The following CBLC variants were observed in gnomAD, a reference collection of about 807,000 sequenced individuals.
CBLC encodes E3 ubiquitin-protein ligase CBL-C.
A neutral mutation model predicts 58.6 loss-of-function variants in CBLC; 46 were observed. The ratio of observed to expected loss-of-function variants is 0.79; its 90% CI spans 0.62 to 1.00. The LOEUF (loss-of-function observed/expected upper bound fraction) is 1.00, where lower values mean the gene tolerates loss of function less well. Ranked by LOEUF, CBLC falls within the 50% of genes least tolerant of loss-of-function variation. The pLI is 0.00. For synonymous variants in CBLC, 271 were observed against 264.2 expected, an observed-to-expected ratio of 1.03 and a Z score of -0.25; for missense variants, 655 against 625.8, an observed-to-expected ratio of 1.05 and a Z score of -0.50.
intron 9 of CBLC, among the ~76,000 whole-genome samples, chr19:44,797,624 G>A (rs554796741): frequency 1.3e-4 from 19 of 146,620 alleles, no homozygotes; most frequent in East Asian, 1.2e-3. Flanking sequence ...GTGTGGTGGC[G>A]TGCACCTGTA....
At chr19:44,797,101 C>T (rs1416446331) in intron 9 of CBLC, among the ~76,000 whole-genome samples, 1 of 152,130 alleles carries the variant, frequency 6.6e-6, no homozygotes, top group Non-Finnish European at 1.5e-5. Context: ...GCCATACCCT[C>T]CGCCTCCCCC....
In CBLC at chr19:44,800,449, A is replaced by G; in HGVS notation, c.*6A>G. On this transcript the variant is annotated splice_region_variant and 3_prime_UTR_variant, in exon 10 of 11. Transcript: ENST00000647358. ...AGGACCCTGCCCCGGCCTGAAGGCCAGGTGAGTCCATTCCCTAACCCTCCC... is the reference window on the plus strand; with the variant it reads ...AGGACCCTGCCCCGGCCTGAAGGCCGGGTGAGTCCATTCCCTAACCCTCCC... 6.2e-7 allele frequency: 1 copy of G among 1,606,500 alleles called. No homozygotes were observed. Among genetic ancestry groups the G allele is most frequent in the Non-Finnish European group, 8.5e-7 (1 of 1,173,494 alleles).
chr19:44,793,695 T>G (rs1968113547), intron 8 of CBLC, 75 bp downstream of exon 8: 1 of 1,414,020 alleles, frequency 7.1e-7, no homozygotes, highest in African/African-American at 1.4e-5. Flanking sequence ...CCTGGACTCC[T>G]GGGTCTGAGG....
chr19:44,791,345 T>C (rs1408787721), intron 6 of CBLC, among the ~76,000 whole-genome samples: 3 of 150,386 alleles, frequency 2.0e-5, no homozygotes, highest in Non-Finnish European at 3.0e-5. Context: ...AATAATGAAA[T>C]TCAAATTTAG....
chr19:44,786,663 A>G (rs1309370667), intron 5 of CBLC, among the ~76,000 whole-genome samples: 1 of 152,206 alleles, frequency 6.6e-6, no homozygotes, highest in Non-Finnish European at 1.5e-5. Context: ...TGGTTCGCTA[A>G]CATTGAACTC....
At chr19:44,779,741 G>A (rs575983992) in intron 1 of CBLC, among the ~76,000 whole-genome samples, 191 of 151,868 alleles carry the variant, frequency 1.3e-3, no homozygotes, top group Non-Finnish European at 2.4e-3. Context: ...TTGGTAGAGA[G>A]GAGGTCTTGC....
chr19:44,789,757 G>A (rs1967998251), intron 5 of CBLC, among the ~76,000 whole-genome samples: 1 of 152,110 alleles, frequency 6.6e-6, no homozygotes, highest in African/African-American at 2.4e-5. Context: ...TGGAGCTTGA[G>A]TCACTGAGGT....
chr19:44,797,164 C>G (rs554940873), intron 9 of CBLC, among the ~76,000 whole-genome samples: 1 of 152,112 alleles, frequency 6.6e-6, no homozygotes, highest in Non-Finnish European at 1.5e-5. Flanking sequence ...AGTCCACTCC[C>G]ACCTAGTCTT....
At chr19:44,795,803 T>C (rs1222470980) in intron 9 of CBLC, among the ~76,000 whole-genome samples, 1 of 152,160 alleles carries the variant, frequency 6.6e-6, no homozygotes, top group East Asian at 1.9e-4. Flanking sequence ...GTCTTCTCCG[T>C]CATATCTCCA....
At chr19:44,791,170 G>A (rs1419826344) in intron 6 of CBLC, among the ~76,000 whole-genome samples, 2 of 151,792 alleles carry the variant, frequency 1.3e-5, no homozygotes, top group African/African-American at 4.8e-5. Context: ...GTTAGGCACA[G>A]TGGTTCATGC....
At position 44,778,125 on chromosome 19, in the gene CBLC, C is replaced by T; in HGVS notation, c.194C>T (p.Ala65Val). Reference sequence around the variant, plus strand: ...GAGGTGGCCCATTCTCGGCGGGCGGCCGGCGGAGGCGGCCCCGGGGGTCCC... The same window carrying T: ...GAGGTGGCCCATTCTCGGCGGGCGGTCGGCGGAGGCGGCCCCGGGGGTCCC... ...LREVAHSRRA[A>V]GGGGPGGPGG... is the part of the protein sequence containing the mutation. The change falls in exon 1 of 11, where the codon GCC becomes GTC. Residue 65 changes from alanine (A) to valine (V), a missense_variant. Transcript: ENST00000647358. 1.3e-6 allele frequency: 2 copies of T among 1,597,002 alleles called. No individual in the cohort carries two copies. The highest frequency in any genetic ancestry group is 1.7e-6 in the Non-Finnish European group (2 of 1,175,122).
chr19:44,778,287 G>C lies in CBLC; in HGVS notation c.353+3G>C. 3.5e-6 allele frequency: 5 copies of C among 1,431,514 alleles called. No individual in the cohort carries two copies. The highest frequency in any genetic ancestry group is 4.6e-6 in the Non-Finnish European group (5 of 1,095,914). 88.7% of individuals were successfully genotyped at this position (1,431,514 alleles called of 1,614,324 possible). A position where few individuals can be genotyped will look rare whatever the true frequency, so the allele number is the denominator to read the frequency against. On this transcript the variant is annotated splice_donor_region_variant and intron_variant, in intron 1 of 10. Coordinates refer to ENST00000647358, the MANE Select transcript of CBLC (RefSeq NM_012116.4). ...TTCCGGGCGGGCTCCAGACTCAGGT[G>C]AGCCTTCGCCCCAGAACAAAGTCCT...
intron 9 of CBLC, among the ~76,000 whole-genome samples, chr19:44,796,366 T>C (rs1968178306): frequency 1.3e-5 from 2 of 152,046 alleles, no homozygotes; most frequent in African/African-American, 4.8e-5. Context: ...TCTACTTATT[T>C]TTTTGTTGTT....
rs1361108057 is a variant in CBLC at position 44,794,230 on chromosome 19, C to A, written c.1311C>A (p.Pro437=). ...TGCCCCTTTCGGCTCCTCCATTGCC[C>A]CCACGGCCAGATCTGCCCCCCAGGA... ...GQVPLSAPPL[P]PRPDLPPRKP... is the part of the protein sequence containing the mutation. The change falls in exon 9 of 11, where the codon CCC becomes CCA. Residue 437 remains proline (P), a synonymous_variant. Coordinates refer to ENST00000647358, the MANE Select transcript of CBLC (RefSeq NM_012116.4). The A allele has an allele frequency of 1.9e-6, 3 of 1,613,192 alleles. No homozygotes were observed. Among genetic ancestry groups the A allele is most frequent in the Non-Finnish European group, 2.5e-6 (3 of 1,179,606 alleles).
At chr19:44,782,195 G>A (rs944085440) in intron 3 of CBLC, among the ~76,000 whole-genome samples, 175 bp from the exon 4 acceptor site, 1 of 152,072 alleles carries the variant, frequency 6.6e-6, no homozygotes, top group South Asian at 2.1e-4. Flanking sequence ...AGGAAGCTAG[G>A]GTCCCAAACT....
chr19:44,779,792 A>G (rs758709563), intron 1 of CBLC, among the ~76,000 whole-genome samples: 1 of 152,050 alleles, frequency 6.6e-6, no homozygotes, highest in Non-Finnish European at 1.5e-5. Context: ...GCCTCATGCG[A>G]TCTTCGTACC....
chr19:44,781,104 G>A lies in CBLC; in HGVS notation c.500+53G>A, dbSNP rs548291852. On this transcript the variant is annotated intron_variant, in intron 2 of 10. Coordinates refer to ENST00000647358, the MANE Select transcript of CBLC (RefSeq NM_012116.4). The stretch of plus-strand genomic sequence containing the variant: ...GGAGCCCCATCCTGCCCTGGCCCAG[G>A]GACCCAGGGGTCCAGGCCCACAGCT... 1.5e-4 allele frequency: 235 copies of A among 1,585,942 alleles called. 1 individual carries two copies. In the Middle Eastern group the frequency reaches 4.7e-3, roughly 31 times the overall value.
At chr19:44,792,176 TAG>T (rs1171942663) in intron 6 of CBLC, among the ~76,000 whole-genome samples, 1 of 151,848 alleles carries the variant, frequency 6.6e-6, no homozygotes, top group African/African-American at 2.4e-5. Context: ...GTATTTTTAG[TAG>T]AGACGGGGTT....
At chr19:44,784,189 C>T (rs1967823331) in intron 4 of CBLC, 75 bp from the exon 5 acceptor site, 2 of 1,398,198 alleles carry the variant, frequency 1.4e-6, no homozygotes, top group Admixed American at 1.9e-5. Context: ...TCCCAACAGG[C>T]CAGGGGACTG....
Sources: allele counts gnomAD v4.1 joint callset (sites outside exome capture counted in the v4.1 genomes callset), GRCh38; gene constraint gnomAD v4.1.1; transcripts MANE v1.5; gene names NCBI Gene and HGNC (gene_info 2026-07-23, HGNC 2026-07-21).